The following NFATC3 variants were observed in gnomAD, a reference collection of about 807,000 sequenced individuals.
NFATC3 encodes the protein nuclear factor of activated T-cells, cytoplasmic 3.
NFATC3 carries 46 observed loss-of-function variants against 98.6 expected under a neutral mutation model. The observed-to-expected ratio is 0.47, with a 90% confidence interval of 0.37 to 0.60. The LOEUF (loss-of-function observed/expected upper bound fraction) is 0.60, where lower values mean the gene tolerates loss of function less well. Ranked by LOEUF, NFATC3 falls within the 20% of genes least tolerant of loss-of-function variation. The probability of loss-of-function intolerance (pLI) is 0.00; values close to 1 mark genes in which losing one functional copy is unlikely to be tolerated. For missense variants in NFATC3, 1,256 were observed against 1,295.5 expected (o/e 0.97, Z 0.47); for synonymous variants, 512 against 472.2 (o/e 1.08, Z -1.09).
intron 2 of NFATC3, among the ~76,000 whole-genome samples, chr16:68,124,178 T>C (rs1011117917): frequency 2.0e-5 from 3 of 152,122 alleles, no homozygotes; most frequent in Non-Finnish European, 4.4e-5. Flanking sequence ...CATAGCTCAC[T>C]GCAGGTTCGA....
intron 6 of NFATC3, among the ~76,000 whole-genome samples, chr16:68,176,742 T>C (rs2039726700): frequency 6.6e-6 from 1 of 152,218 alleles, no homozygotes; most frequent in African/African-American, 2.4e-5. Flanking sequence ...CATTGGATCA[T>C]TTTTCATTTT....
intron 2 of NFATC3, among the ~76,000 whole-genome samples, chr16:68,125,451 C>T (rs771172158): frequency 2.6e-5 from 4 of 152,104 alleles, no homozygotes; most frequent in Non-Finnish European, 5.9e-5. Flanking sequence ...GCTGGAGTGA[C>T]GGGTTGTTTT....
At chr16:68,149,192 G>T (rs1419973991) in intron 3 of NFATC3, among the ~76,000 whole-genome samples, 6 of 152,008 alleles carry the variant, frequency 3.9e-5, no homozygotes, top group African/African-American at 1.5e-4. Flanking sequence ...AAAATGGGGT[G>T]GGGGCGGAAG....
chr16:68,126,575 G>T lies in NFATC3; in HGVS notation c.1366G>T (p.Val456Leu). The T allele has an allele frequency of 6.2e-7, 1 of 1,614,156 alleles. No individual in the cohort carries two copies. The highest frequency in any genetic ancestry group is 8.5e-7 in the Non-Finnish European group (1 of 1,180,008). ...TGAAACTGAAGGTAGCCGAGGGGCAGTAAAAGCATCTACTGGGGGACATCC... is the reference window on the plus strand; with the variant it reads ...TGAAACTGAAGGTAGCCGAGGGGCATTAAAAGCATCTACTGGGGGACATCC... Reference protein sequence around the residue: ...HYETEGSRGAVKASTGGHPVV... With the variant: ...HYETEGSRGALKASTGGHPVV... Residue 456 changes from valine to leucine, a missense_variant, in exon 3 of 10, where the codon GTA (valine) becomes TTA (leucine). By Grantham distance (32) the Val-to-Leu change is conservative. This residue lies in a region of NFATC3 where 156 missense variants were observed against 212.4 expected (regional missense o/e 0.73). Coordinates refer to ENST00000346183, the MANE Select transcript of NFATC3 (RefSeq NM_173165.3).
chr16:68,143,181 T>A (rs576668947), intron 3 of NFATC3, among the ~76,000 whole-genome samples: 1 of 138,796 alleles, frequency 7.2e-6, no homozygotes, highest in East Asian at 2.1e-4. Flanking sequence ...AGTTATGCAC[T>A]GTAGCCTGGG....
rs58981935 is a variant in NFATC3, at chr16:68,222,289, CAAAAAAAAAAAAAAAAAAAAAA to C, written c.3107-4045_3107-4024del. The stretch of plus-strand genomic sequence containing the variant: ...GGGCAACAGAGTGAGACCCCATTGC[CAAAAAAAAAAAAAAAAAAAAAA>C]AAAAAAAAAAAAAAATAGAAAAAAG... On this transcript the variant is annotated intron_variant, in intron 9 of 9. Coordinates refer to ENST00000346183, the MANE Select transcript of NFATC3 (RefSeq NM_173165.3). 4.1e-3 allele frequency among the ~76,000 whole-genome samples: 108 copies of C among 26,424 alleles called. 3 individuals are homozygous for C. The Admixed American group carries it at 0.05, about 12-fold the overall frequency. The allele number at this position is 26,424 out of a possible 152,430, so 17.3% of individuals were successfully genotyped here. A position where few individuals can be genotyped will look rare whatever the true frequency, so the allele number is the denominator to read the frequency against.
chr16:68,112,602 A>C (rs376023631), intron 1 of NFATC3, among the ~76,000 whole-genome samples: 2 of 137,542 alleles, frequency 1.5e-5, no homozygotes, highest in Non-Finnish European at 3.2e-5. Context: ...ATAATCCCAT[A>C]GTTCTTGGAG....
chr16:68,087,556 A>G (rs1188071499), intron 1 of NFATC3, among the ~76,000 whole-genome samples: 1 of 152,102 alleles, frequency 6.6e-6, no homozygotes, highest in African/African-American at 2.4e-5. Context: ...TTTTTTTAAT[A>G]TTAAGGCAAA....
intron 9 of NFATC3, among the ~76,000 whole-genome samples, chr16:68,194,586 A>G (rs1278724895): frequency 1.3e-5 from 2 of 152,178 alleles, no homozygotes; most frequent in African/African-American, 2.4e-5. Flanking sequence ...AACTCTTCAC[A>G]TTGCTTTTTA....
chr16:68,085,400 G>T lies in NFATC3; in HGVS notation c.-282G>T. 4.3e-6 allele frequency: 1 copy of T among 232,342 alleles called. No homozygotes were observed. The highest frequency in any genetic ancestry group is 8.3e-6 in the Non-Finnish European group (1 of 120,888). 14.4% of individuals were successfully genotyped at this position (232,342 alleles called of 1,614,324 possible). On this transcript the variant is annotated 5_prime_UTR_variant, in exon 1 of 10. Coordinates refer to ENST00000346183, the MANE Select transcript of NFATC3 (RefSeq NM_173165.3). The stretch of plus-strand genomic sequence containing the variant: ...GCGAGAGCGCACCCGCGGCGGCGGT[G>T]GCGGCGACTGTGGGGGGGCGGCGGG...
intron 3 of NFATC3, among the ~76,000 whole-genome samples, chr16:68,151,155 A>G (rs2151561388): frequency 6.6e-6 from 1 of 152,098 alleles, no homozygotes; most frequent in Middle Eastern, 3.4e-3. Flanking sequence ...GGAGTTCAAG[A>G]CCAGCTTAAG....
At position 68,229,142 on chromosome 16, in the gene NFATC3, T is replaced by G. The variant is rs1203016114; in HGVS notation, c.*2671T>G. 1 of 152,244 alleles carries G rather than the reference T, an allele frequency of 6.6e-6. No individual in the cohort carries two copies. The highest frequency in any genetic ancestry group is 1.5e-5 in the Non-Finnish European group (1 of 68,038). 9.4% of individuals were successfully genotyped at this position (152,244 alleles called of 1,614,324 possible). On this transcript the variant is annotated 3_prime_UTR_variant, in exon 10 of 10. Transcript: ENST00000346183. ...TTGTGTGTTCTTGTACATTTTGTAT[T>G]TTAAAACCTTTTATGGGAGTGCAGT...
intron 4 of NFATC3, among the ~76,000 whole-genome samples, chr16:68,160,628 T>C (rs568517623): frequency 6.6e-6 from 1 of 152,258 alleles, no homozygotes; most frequent in African/African-American, 2.4e-5. Context: ...AATCATTGCA[T>C]AGGGGCTATG....
intron 3 of NFATC3, among the ~76,000 whole-genome samples, chr16:68,133,799 T>G (rs2037241738): frequency 1.3e-5 from 2 of 152,198 alleles, no homozygotes; most frequent in African/African-American, 4.8e-5. Flanking sequence ...TTGCAAGTGT[T>G]TCTTTATCTG....
At chr16:68,128,037 A>G (rs1033697769) in intron 3 of NFATC3, among the ~76,000 whole-genome samples, 4 of 151,986 alleles carry the variant, frequency 2.6e-5, no homozygotes, top group Admixed American at 6.6e-5. Flanking sequence ...TTTGGATTCT[A>G]TGTTCCATGG....
At chr16:68,133,850 C>T (rs1020129602) in intron 3 of NFATC3, among the ~76,000 whole-genome samples, 34 of 147,998 alleles carry the variant, frequency 2.3e-4, no homozygotes, top group Non-Finnish European at 4.8e-4. Context: ...CAGTGTTGGA[C>T]AATATGTATA....
intron 1 of NFATC3, among the ~76,000 whole-genome samples, chr16:68,095,948 T>A (rs1598348479): frequency 6.6e-6 from 1 of 152,130 alleles, no homozygotes; most frequent in African/African-American, 2.4e-5. Context: ...TTGTCAAAAT[T>A]GAGATAGTAA....
intron 5 of NFATC3, among the ~76,000 whole-genome samples, chr16:68,173,349 C>T (rs1184071215): frequency 6.6e-6 from 1 of 151,902 alleles, no homozygotes; most frequent in Non-Finnish European, 1.5e-5. Context: ...GGCAGATCAC[C>T]TGAAGTCTGG....
chr16:68,174,461 C>T lies in NFATC3; in HGVS notation c.1862C>T (p.Thr621Ile). The T allele has an allele frequency of 6.2e-7, 1 of 1,604,766 alleles. No homozygotes were observed. The highest frequency in any genetic ancestry group is 8.5e-7 in the Non-Finnish European group (1 of 1,175,660). The stretch of plus-strand genomic sequence containing the variant: ...AATGGAGGTCATGAAATGGTTGTGA[C>T]TGGATCTAATTTTCTTCCAGAATCC... ...SVNGGHEMVV[T>I]GSNFLPESKI... The change falls in exon 6 of 10, where the codon ACT becomes ATT. Residue 621 changes from threonine (T) to isoleucine (I), a missense_variant. Around this residue, in one of 3 missense-constraint regions of NFATC3, gnomAD observed 636 missense variants for 617.3 expected, o/e 1.03. Transcript: ENST00000346183.
Sources: allele counts gnomAD v4.1 joint callset (sites outside exome capture counted in the v4.1 genomes callset), GRCh38; gene constraint gnomAD v4.1.1; regional missense constraint gnomAD v4.1.1; transcripts MANE v1.5; gene names NCBI Gene and HGNC (gene_info 2026-07-23, HGNC 2026-07-21).